The following PPARGC1A variants were observed in gnomAD, a reference collection of about 807,000 sequenced individuals.
PPARGC1A encodes the protein peroxisome proliferator-activated receptor gamma coactivator 1-alpha.
Under a neutral mutation model 88.7 loss-of-function variants are expected in PPARGC1A, and 25 were observed. The observed-to-expected ratio is 0.28, with a 90% CI of 0.21 to 0.39. The LOEUF (loss-of-function observed/expected upper bound fraction) is 0.39, where lower values mean the gene tolerates loss of function less well. Ranked by LOEUF, PPARGC1A falls within the 10% of genes least tolerant of loss-of-function variation. The pLI, the probability that PPARGC1A is intolerant of heterozygous loss-of-function variation, is 1.00. For synonymous variants in PPARGC1A, 363 were observed against 355.6 expected, an observed-to-expected ratio of 1.02 and a Z score of -0.24; for missense variants, 880 against 968.7, an observed-to-expected ratio of 0.91 and a Z score of 1.22.
chr4:24,458,709 C>T, the PPARGC1A span, among the ~76,000 whole-genome samples: 50 of 151,966 alleles, frequency 3.3e-4, no homozygotes, highest in Non-Finnish European at 6.6e-4. Flanking sequence ...GTGATTTAGT[C>T]ATAATTGGTG....
chr4:24,458,996 C>T, the PPARGC1A span, among the ~76,000 whole-genome samples: 11 of 151,772 alleles, frequency 7.2e-5, no homozygotes, highest in Non-Finnish European at 1.0e-4. Flanking sequence ...GGTTTTGATT[C>T]GATTTTTCTT....
rs767509079 is a variant in PPARGC1A, at chr4:23,795,747, A to T, written c.*75T>A. ...GGAGAAATTCCTAAGTATGACTTGC[A>T]ATAGTCTTTAGGGAAGGACGCGCTG... On this transcript the variant is annotated 3_prime_UTR_variant, in exon 13 of 13. Transcript: ENST00000264867. 6.5e-5 allele frequency: 75 copies of T among 1,155,318 alleles called. No individual in the cohort carries two copies. The highest frequency in any genetic ancestry group is 8.7e-5 in the Non-Finnish European group (70 of 807,538). 71.6% of individuals were successfully genotyped at this position (1,155,318 alleles called of 1,614,324 possible).
At chr4:23,965,398 G>A in the PPARGC1A span, among the ~76,000 whole-genome samples, 1 of 152,116 alleles carries the variant, frequency 6.6e-6, no homozygotes, top group African/African-American at 2.4e-5. Flanking sequence ...CTTAATAAAA[G>A]CTTGCAGAGC....
the PPARGC1A span, among the ~76,000 whole-genome samples, chr4:24,258,547 C>T: frequency 6.6e-6 from 1 of 152,122 alleles, no homozygotes; most frequent in African/African-American, 2.4e-5. Flanking sequence ...TGAGCCCAGA[C>T]ACCAATATTC....
At chr4:24,111,544 T>C in the PPARGC1A span, among the ~76,000 whole-genome samples, 1 of 152,198 alleles carries the variant, frequency 6.6e-6, no homozygotes, top group Non-Finnish European at 1.5e-5. Flanking sequence ...AGACAAAACA[T>C]GGTTTCACAT....
At chr4:24,467,883 G>A in the PPARGC1A span, among the ~76,000 whole-genome samples, 1 of 152,184 alleles carries the variant, frequency 6.6e-6, no homozygotes, top group Non-Finnish European at 1.5e-5. Context: ...GGGAAGTGGT[G>A]GGGGCAGGGA....
intron 7 of PPARGC1A, among the ~76,000 whole-genome samples, chr4:23,816,989 AC>A (rs1722104570): frequency 6.6e-6 from 1 of 152,184 alleles, no homozygotes; most frequent in South Asian, 2.1e-4. Context: ...CACTTGGGAA[AC>A]CGGGTAAACA....
chr4:24,367,626 T>G, the PPARGC1A span, among the ~76,000 whole-genome samples: 1 of 152,212 alleles, frequency 6.6e-6, no homozygotes, highest in Admixed American at 6.5e-5. Context: ...TTAAAATGCC[T>G]AAAAATGTCT....
At chr4:23,915,212 A>C in the PPARGC1A span, among the ~76,000 whole-genome samples, 1 of 152,200 alleles carries the variant, frequency 6.6e-6, no homozygotes, top group Admixed American at 6.5e-5. Flanking sequence ...AGCTAGGCAC[A>C]TAAAACAAGG....
At chr4:24,044,475 C>T in the PPARGC1A span, among the ~76,000 whole-genome samples, 1 of 152,242 alleles carries the variant, frequency 6.6e-6, no homozygotes, top group Middle Eastern at 3.4e-3. Context: ...TCTGTAGGGT[C>T]AGAGCAGCCA....
chr4:24,367,411 T>C, the PPARGC1A span, among the ~76,000 whole-genome samples: 1 of 152,160 alleles, frequency 6.6e-6, no homozygotes, highest in African/African-American at 2.4e-5. Context: ...TAAAAGGCAT[T>C]TATTTAAAAG....
At chr4:24,397,058 A>C in the PPARGC1A span, among the ~76,000 whole-genome samples, 1 of 152,262 alleles carries the variant, frequency 6.6e-6, no homozygotes, top group Non-Finnish European at 1.5e-5. Context: ...ACTAAGCCAA[A>C]TGACTCCATG....
chr4:24,375,287 C>T, the PPARGC1A span, among the ~76,000 whole-genome samples: 2 of 152,114 alleles, frequency 1.3e-5, no homozygotes, highest in Admixed American at 6.6e-5. Context: ...TGATCCATGT[C>T]CCAAACTGTA....
the PPARGC1A span, among the ~76,000 whole-genome samples, chr4:24,154,755 T>C: frequency 1.3e-5 from 2 of 152,180 alleles, no homozygotes. Context: ...CTGTCTGTCC[T>C]CAAGATGTAT....
At chr4:23,888,851 G>T in intron 1 of PPARGC1A, 1 of 833,676 alleles carries the variant, frequency 1.2e-6, no homozygotes, top group Non-Finnish European at 1.4e-6. Context: ...CGTGCCCCCA[G>T]CTACCCAGAG....
At chr4:24,125,389 A>G in the PPARGC1A span, among the ~76,000 whole-genome samples, 1 of 151,450 alleles carries the variant, frequency 6.6e-6, no homozygotes, top group Non-Finnish European at 1.5e-5. Context: ...GCAACTATTC[A>G]CTCTCTTTCT....
At chr4:24,406,669 A>G in the PPARGC1A span, among the ~76,000 whole-genome samples, 1 of 152,188 alleles carries the variant, frequency 6.6e-6, no homozygotes, top group Admixed American at 6.5e-5. Flanking sequence ...GAGCATACAC[A>G]TGCCCACAGT....
the PPARGC1A span, among the ~76,000 whole-genome samples, chr4:24,045,059 C>T: frequency 6.6e-6 from 1 of 152,086 alleles, no homozygotes; most frequent in African/African-American, 2.4e-5. Flanking sequence ...TACATGATGA[C>T]TCAGCAAGAG....
the PPARGC1A span, among the ~76,000 whole-genome samples, chr4:24,253,345 G>T: frequency 6.6e-6 from 1 of 152,084 alleles, no homozygotes; most frequent in Non-Finnish European, 1.5e-5. Context: ...AGCACTAGAG[G>T]CAAGGGAATG....
Sources: allele counts gnomAD v4.1 joint callset (sites outside exome capture counted in the v4.1 genomes callset), GRCh38; gene constraint gnomAD v4.1.1; transcripts MANE v1.5; gene names NCBI Gene and HGNC (gene_info 2026-07-23, HGNC 2026-07-21).